DGKD: variants seen among roughly 807,000 people sequenced by gnomAD.
The protein encoded by DGKD is DAG kinase delta.
In DGKD, 68 loss-of-function variants were observed where a neutral mutation model predicts 154.4. The observed-to-expected ratio is 0.44, with a 90% CI of 0.36 to 0.54. DGKD has a LOEUF of 0.54. Ranked by LOEUF, DGKD falls within the 20% of genes least tolerant of loss-of-function variation. The pLI is 0.00. For missense variants in DGKD, 1,343 were observed against 1,593.6 expected, an observed-to-expected ratio of 0.84 and a Z score of 2.68; for synonymous variants, 693 against 638.0, an observed-to-expected ratio of 1.09 and a Z score of -1.30.
chr2:233,421,684 G>A (rs2062120321), intron 3 of DGKD, among the ~76,000 whole-genome samples: 2 of 151,910 alleles, frequency 1.3e-5, no homozygotes, highest in South Asian at 2.1e-4. Context: ...CCTCCTCCCC[G>A]TTTTTGCTGT....
chr2:233,421,836 G>T (rs572545998), intron 3 of DGKD, among the ~76,000 whole-genome samples: 1 of 152,192 alleles, frequency 6.6e-6, no homozygotes, highest in Non-Finnish European at 1.5e-5. Flanking sequence ...TGTAACTTCC[G>T]CAGGAGCAGG....
intron 3 of DGKD, among the ~76,000 whole-genome samples, chr2:233,395,597 CCTCCT>C (rs1177345571): frequency 2.0e-5 from 3 of 148,330 alleles, no homozygotes; most frequent in Non-Finnish European, 4.5e-5. Context: ...CCTCCCCTCC[CCTCCT>C]CTCCTTTCCC....
In DGKD at chr2:233,450,281, T is replaced by G. The variant is rs1280501319; in HGVS notation, c.2038+150T>G. 5 of 1,060,178 alleles carry G rather than the reference T, an allele frequency of 4.7e-6. 1 individual carries two copies. The highest frequency in any genetic ancestry group is 3.5e-5 in the South Asian group (2 of 56,422). 65.7% of individuals were successfully genotyped at this position (1,060,178 alleles called of 1,614,324 possible). A position where few individuals can be genotyped will look rare whatever the true frequency, so the allele number is the denominator to read the frequency against. On this transcript the variant is annotated intron_variant, in intron 16 of 29. Coordinates refer to ENST00000264057, the MANE Select transcript of DGKD (RefSeq NM_152879.3). Reference sequence around the variant, plus strand: ...AAATTGAGCGCCCAAGGCCTGTTTCTGTGCATCTCCTGTGCGCGCCCTTGA... The same window carrying G: ...AAATTGAGCGCCCAAGGCCTGTTTCGGTGCATCTCCTGTGCGCGCCCTTGA...
At chr2:233,369,450 T>G (rs556069704) in intron 1 of DGKD, among the ~76,000 whole-genome samples, 1 of 152,362 alleles carries the variant, frequency 6.6e-6, no homozygotes, top group African/African-American at 2.4e-5. Flanking sequence ...ACATTTTAAT[T>G]TTAACTTTTT....
intron 1 of DGKD, among the ~76,000 whole-genome samples, chr2:233,382,867 G>A (rs919708033): frequency 2.0e-5 from 3 of 152,126 alleles, no homozygotes; most frequent in Non-Finnish European, 4.4e-5. Context: ...CACCTGCGCG[G>A]CTGAGTGCCA....
intron 25 of DGKD, 80 bp from the exon 26 acceptor site, chr2:233,462,563 C>T (rs1451190992): frequency 6.5e-7 from 1 of 1,535,012 alleles, no homozygotes; most frequent in Admixed American, 1.7e-5. Flanking sequence ...CATGTTCGGC[C>T]CTCCCAGTGC....
intron 1 of DGKD, among the ~76,000 whole-genome samples, chr2:233,383,013 C>T (rs1174296921): frequency 6.6e-6 from 1 of 151,374 alleles, no homozygotes; most frequent in Non-Finnish European, 1.5e-5. Flanking sequence ...TTTATCATTC[C>T]GTGGGAGTTT....
chr2:233,442,043 GT>G, intron 10 of DGKD, 48 bp downstream of exon 10: 1 of 1,508,704 alleles, frequency 6.6e-7, no homozygotes, highest in Non-Finnish European at 9.2e-7. Context: ...GGGTGCGGAG[GT>G]TAGAGGGAAA....
In DGKD at chr2:233,458,240, G is replaced by C. The variant is rs747542300; in HGVS notation, c.2581-44G>C. On this transcript the variant is annotated intron_variant, in intron 21 of 29. Transcript: ENST00000264057. The surrounding 1 kb of genome is among the most constrained non-coding windows in gnomAD (Gnocchi z 6.6). ...GTGAGGGTAGGGGCGGCCTGTGCTC[G>C]GGGATGTGTGGAGTGGTGGTCAGCT... is the stretch of plus-strand genomic sequence containing the variant. 1 of 1,373,170 alleles carries C rather than the reference G, an allele frequency of 7.3e-7. No homozygotes were observed. Among genetic ancestry groups the C allele is most frequent in the Admixed American group, 1.7e-5 (1 of 58,506 alleles). The allele number at this position is 1,373,170 out of a possible 1,614,324, so 85.1% of individuals were successfully genotyped here. A position where few individuals can be genotyped will look rare whatever the true frequency, so the allele number is the denominator to read the frequency against.
chr2:233,374,053 G>A (rs1034689189), intron 1 of DGKD, among the ~76,000 whole-genome samples: 1 of 149,268 alleles, frequency 6.7e-6, no homozygotes, highest in Non-Finnish European at 1.5e-5. Flanking sequence ...TTTTGTTTTT[G>A]TTTGTTTGTT....
At chr2:233,464,403 C>T (rs1279486107) in intron 27 of DGKD, 120 bp downstream of exon 27, 4 of 1,281,998 alleles carry the variant, frequency 3.1e-6, no homozygotes, top group Middle Eastern at 2.4e-4. Flanking sequence ...CCGGCAGCCC[C>T]TGAGGGGCCT....
At chr2:233,412,218 T>C (rs1444710587) in intron 3 of DGKD, among the ~76,000 whole-genome samples, 3 of 152,226 alleles carry the variant, frequency 2.0e-5, no homozygotes, top group Admixed American at 6.5e-5. Context: ...CTTAATAACA[T>C]TGAATCTTTA....
intron 28 of DGKD, 21 bp downstream of exon 28, chr2:233,467,224 T>C: frequency 6.4e-7 from 1 of 1,568,974 alleles, no homozygotes; most frequent in Non-Finnish European, 8.8e-7. Flanking sequence ...CTCTCCCGCG[T>C]GTGTTTCTGG....
chr2:233,450,959 G>A lies in DGKD; in HGVS notation c.2076G>A (p.Gly692=). 6.2e-7 allele frequency: 1 copy of A among 1,611,200 alleles called. No individual in the cohort carries two copies. ...CGTGTGAAAAGCTGATCAGCAAAGG[G>A]AGTCTGTCCCTAGGCAGTTCTGCTT... is the stretch of plus-strand genomic sequence containing the variant. ...KSPCEKLISK[G]SLSLGSSASL... Residue 692 remains glycine (G), a synonymous_variant, in exon 17 of 30, where the codon GGG becomes GGA. Transcript: ENST00000264057.
intron 3 of DGKD, among the ~76,000 whole-genome samples, chr2:233,398,425 G>A (rs1182370545): frequency 6.6e-6 from 1 of 152,076 alleles, no homozygotes. Context: ...GATTAAAGGT[G>A]TGAGCCACCG....
chr2:233,370,766 A>T (rs569409167), intron 1 of DGKD, among the ~76,000 whole-genome samples: 18 of 149,430 alleles, frequency 1.2e-4, no homozygotes, highest in East Asian at 3.9e-4. Context: ...ATTTTTTTTT[A>T]AATTTTTGAG....
intron 3 of DGKD, among the ~76,000 whole-genome samples, chr2:233,392,965 T>G (rs906667672): frequency 1.3e-5 from 2 of 152,234 alleles, no homozygotes; most frequent in Non-Finnish European, 2.9e-5. Context: ...TTGTTTTCTT[T>G]GTTTTTAAAG....
intron 1 of DGKD, among the ~76,000 whole-genome samples, chr2:233,376,862 C>T (rs1702600033): frequency 6.6e-6 from 1 of 151,984 alleles, no homozygotes; most frequent in South Asian, 2.1e-4. Context: ...CGGGTGCTGC[C>T]CCTGTCCTGG....
intron 18 of DGKD, chr2:233,454,382 C>T (rs1467131520): frequency 8.5e-6 from 4 of 472,728 alleles, no homozygotes; most frequent in Admixed American, 2.3e-5. Context: ...ACAGAGCCCA[C>T]GACCGCATGA....
Sources: allele counts gnomAD v4.1 joint callset (sites outside exome capture counted in the v4.1 genomes callset), GRCh38; gene constraint gnomAD v4.1.1; non-coding constraint Gnocchi (gnomAD v3.1); transcripts MANE v1.5; gene names NCBI Gene and HGNC (gene_info 2026-07-23, HGNC 2026-07-21).